The following KRT73 variants were observed in gnomAD, a reference collection of about 807,000 sequenced individuals.
KRT73 encodes the protein keratin, type II cytoskeletal 73.
A neutral mutation model predicts 47.2 loss-of-function variants in KRT73; 44 were observed. The ratio of observed to expected loss-of-function variants is 0.93; its 90% CI spans 0.73 to 1.20. KRT73 has a LOEUF of 1.20. Among genes scored for constraint, KRT73 ranks in the 50% most tolerant of loss-of-function variants. KRT73 has a pLI of 0.00. For missense variants in KRT73, 713 were observed against 704.5 expected (o/e 1.01, Z -0.14); for synonymous variants, 285 against 291.3 (o/e 0.98, Z 0.22).
Position 52,618,102 on chromosome 12 carries a change from G to C in KRT73, c.423C>G (p.Asn141Lys). 6.2e-7 allele frequency: 1 copy of C among 1,613,630 alleles called. No homozygotes were observed. The highest frequency in any genetic ancestry group is 8.5e-7 in the Non-Finnish European group (1 of 1,179,858). The change falls in exon 1 of 9, where the codon AAC (asparagine) becomes AAG (lysine). Residue 141 changes from asparagine to lysine, a missense_variant. Asn to Lys is a moderately conservative substitution (Grantham distance 94, BLOSUM62 0). Transcript: ENST00000305748. Reference protein sequence around the residue: ...QEREQIKVLNNKFASFIDKVR... With the variant: ...QEREQIKVLNKKFASFIDKVR... ...CCTTGTCAATGAAGGAGGCGAACTT[G>C]TTGTTCAGCACCTTGATCTGCTCCC... is the stretch of plus-strand genomic sequence containing the variant.
intron 8 of KRT73, among the ~76,000 whole-genome samples, chr12:52,608,848 C>A (rs1356905221): frequency 6.6e-6 from 1 of 152,214 alleles, no homozygotes; most frequent in Non-Finnish European, 1.5e-5. Flanking sequence ...GACTGCCAAA[C>A]CCTGTGGGGC....
In KRT73 at chr12:52,611,216, A is replaced by G; in HGVS notation, c.1098T>C (p.Ser366=). 6.2e-7 allele frequency: 1 copy of G among 1,613,782 alleles called. No individual in the cohort carries two copies. Among genetic ancestry groups the G allele is most frequent in the South Asian group, 1.1e-5 (1 of 91,056 alleles). Residue 366 remains serine (S), a synonymous_variant, in exon 6 of 9, where the codon AGT becomes AGC. Coordinates refer to ENST00000305748, the MANE Select transcript of KRT73 (RefSeq NM_175068.3). ...LIQRLRSEIE[S]VKKQCANLET... The stretch of plus-strand genomic sequence containing the variant: ...CAGTCCCCTTCACCTGCTTCTTCAC[A>G]CTCTCAATCTCCGAGCGCAGTCTTT...
intron 1 of KRT73, among the ~76,000 whole-genome samples, chr12:52,616,884 T>C (rs1418803421): frequency 6.6e-6 from 1 of 152,214 alleles, no homozygotes; most frequent in Non-Finnish European, 1.5e-5. Flanking sequence ...CCCTCCTAAG[T>C]TGCTTTCATG....
At chr12:52,627,815 ACCTTCCAAAGCCAAACAGGAATAGCACC>A in the KRT73 span, among the ~76,000 whole-genome samples, 1 of 152,156 alleles carries the variant, frequency 6.6e-6, no homozygotes, top group Non-Finnish European at 1.5e-5. Context: ...CTTTGTGCCA[ACCTTCCAAAGCCAAACAGGAATAGCACC>A]CCTTCCAGTG....
At chr12:52,612,425 C>T (rs957474607) in intron 5 of KRT73, 98 of 152,354 alleles carry the variant, frequency 6.4e-4, no homozygotes, top group African/African-American at 2.4e-3. Flanking sequence ...GTGTACTGCT[C>T]TGTCTCTGTC....
Position 52,613,738 on chromosome 12 carries a change from C to T in KRT73, c.934G>A (p.Glu312Lys), listed in dbSNP as rs1315564752. Residue 312 changes from glutamate (E) to lysine (K), a missense_variant, in exon 5 of 9, where the codon GAG becomes AAG. Glu to Lys is a moderately conservative substitution (Grantham distance 56). Transcript: ENST00000305748. ...TCGGCCTTGCTCTTCCGGGCGATCTCCTCATACTGGGCACGGACCTCAGCA... is the reference window on the plus strand; with the variant it reads ...TCGGCCTTGCTCTTCCGGGCGATCTTCTCATACTGGGCACGGACCTCAGCA... Reference protein sequence around the residue: ...IIAEVRAQYEEIARKSKAEAE... With the variant: ...IIAEVRAQYEKIARKSKAEAE... 6.2e-7 allele frequency: 1 copy of T among 1,614,198 alleles called. No homozygotes were observed.
the KRT73 span, among the ~76,000 whole-genome samples, chr12:52,628,346 G>A: frequency 6.6e-6 from 1 of 152,060 alleles, no homozygotes; most frequent in Non-Finnish European, 1.5e-5. Context: ...GGAATGGGGT[G>A]GGGCCGGGCT....
chr12:52,617,106 C>T lies in KRT73; in HGVS notation c.448-726G>A, dbSNP rs752388407. On this transcript the variant is annotated intron_variant, in intron 1 of 8. Transcript: ENST00000305748. ...TTACTCATACAGTGATGTCGTAAAC[C>T]GAAGGTCTCCCATTCCCCAGACAAG... Among the ~76,000 whole-genome samples the T allele has an allele frequency of 4.6e-5, 7 of 151,662 alleles. No homozygotes were observed. The East Asian group carries it at 7.7e-4, about 17-fold the overall frequency.
chr12:52,611,434 C>T, intron 5 of KRT73, 105 bp from the exon 6 acceptor site: 6 of 1,372,496 alleles, frequency 4.4e-6, no homozygotes, highest in Non-Finnish European at 5.0e-6. Context: ...AGAGGTGGGT[C>T]CAGGTCCCCC....
At chr12:52,622,755 G>A (rs1218359297), upstream of KRT73, among the ~76,000 whole-genome samples, 1 of 152,154 alleles carries the variant, frequency 6.6e-6, no homozygotes, top group Non-Finnish European at 1.5e-5. Context: ...TCACTGAATT[G>A]CGATCAGACC....
chr12:52,618,210 A>C lies in KRT73; in HGVS notation c.315T>G (p.His105Gln), dbSNP rs761448225. 15 of 1,614,066 alleles carry C rather than the reference A, an allele frequency of 9.3e-6. No individual in the cohort carries two copies. In the South Asian group the frequency reaches 1.6e-4, roughly 18 times the overall value. ...CPSLCPPGGI[H>Q]QVTINKSLLA... Reference sequence around the variant, plus strand: ...GGAGGCTCTTGTTGATGGTGACCTGATGGATACCCCCGGGCGGGCACAACG... The same window carrying C: ...GGAGGCTCTTGTTGATGGTGACCTGCTGGATACCCCCGGGCGGGCACAACG... The change falls in exon 1 of 9, where the codon CAT (histidine) becomes CAG (glutamine). Residue 105 changes from histidine (H) to glutamine (Q), a missense_variant. His to Gln is a conservative substitution (Grantham distance 24, BLOSUM62 0). Coordinates refer to ENST00000305748, the MANE Select transcript of KRT73 (RefSeq NM_175068.3).
upstream of KRT73, among the ~76,000 whole-genome samples, chr12:52,620,109 C>CTTTTT (rs10638831): frequency 1.1e-3 from 100 of 94,416 alleles, 1 homozygote; most frequent in African/African-American, 2.8e-3. Context: ...TCCTTTTTTT[C>CTTTTT]TTTTTTTTTT....
upstream of KRT73, among the ~76,000 whole-genome samples, chr12:52,620,109 C>CTTTTTTTTTTTT (rs10638831): frequency 1.5e-3 from 142 of 94,410 alleles, 2 homozygotes; most frequent in African/African-American, 5.0e-3. Flanking sequence ...TCCTTTTTTT[C>CTTTTTTTTTTTT]TTTTTTTTTT....
chr12:52,610,088 G>GTTTT (rs869077203), intron 7 of KRT73: 1 of 164,430 alleles, frequency 6.1e-6, no homozygotes, highest in African/African-American at 2.5e-5. Flanking sequence ...TTGTTTGTTT[G>GTTTT]TTTTTGAGAT....
Position 52,614,690 on chromosome 12 carries a change from A to G in KRT73, c.724-16T>C, listed in dbSNP as rs1013006442. On this transcript the variant is annotated splice_polypyrimidine_tract_variant and intron_variant, in intron 3 of 8. Transcript: ENST00000305748. The stretch of plus-strand genomic sequence containing the variant: ...CGTCCACGTCCTATGGAGAATCCAG[A>G]TACCCCTGACCTCACCTTTCTTCAA... The G allele has an allele frequency of 1.6e-5, 26 of 1,607,840 alleles. No individual in the cohort carries two copies. Among genetic ancestry groups the G allele is most frequent in the Non-Finnish European group, 2.0e-5 (24 of 1,176,522 alleles).
At chr12:52,612,237 A>C (rs1940718193) in intron 5 of KRT73, 1 of 152,212 alleles carries the variant, frequency 6.6e-6, no homozygotes, top group African/African-American at 2.4e-5. Context: ...TTTTGTGTGC[A>C]TGATGGGGGT....
intron 7 of KRT73, chr12:52,610,191 T>C (rs1940664426): frequency 4.9e-6 from 1 of 204,552 alleles, no homozygotes; most frequent in Admixed American, 5.2e-5. Flanking sequence ...TTCTCCTGAC[T>C]CAGCCTCCCA....
Position 52,618,508 on chromosome 12 carries a change from G to C in KRT73, c.17C>G (p.Thr6Ser), listed in dbSNP as rs1430675190. The C allele has an allele frequency of 6.2e-7, 1 of 1,602,358 alleles. No homozygotes were observed. ...CTTGGCAGCAGCTCCCGACTTGTAG[G>C]TGAATTGGCGGCTCATGGTGGGGAG... Reference protein sequence around the residue: MSRQFTYKSGAAAKGG... With the variant: MSRQFSYKSGAAAKGG... The change falls in exon 1 of 9, where the codon ACC becomes AGC. Residue 6 changes from threonine to serine, a missense_variant. Thr to Ser is a moderately conservative substitution (Grantham distance 58, BLOSUM62 1). Transcript: ENST00000305748.
In KRT73 at chr12:52,611,303, G is replaced by T. The variant is rs781147121; in HGVS notation, c.1011C>A (p.Gly337=). ...TKFQELQLAA[G]RHGDDLKHTK... is the part of the protein sequence containing the mutation. ...TGTGTTTCAGGTCATCCCCATGCCG[G>T]CCGGCTGCTAGCTGCAGCTCCTGGA... Residue 337 remains glycine, a synonymous_variant, in exon 6 of 9, where the codon GGC becomes GGA. Coordinates refer to ENST00000305748, the MANE Select transcript of KRT73 (RefSeq NM_175068.3). 2.0e-5 allele frequency: 32 copies of T among 1,613,982 alleles called. No individual in the cohort carries two copies. The highest frequency in any genetic ancestry group is 2.5e-5 in the Non-Finnish European group (30 of 1,180,034).
Sources: gnomAD v4.1 joint callset for allele counts (sites outside exome capture counted in the v4.1 genomes callset) on GRCh38, gnomAD v4.1.1 for gene constraint, MANE v1.5 for transcripts, NCBI Gene and HGNC (gene_info 2026-07-23, HGNC 2026-07-21) for gene names.